Variants in UTRN observed in about 807,000 individuals in gnomAD.
UTRN encodes utrophin.
In UTRN, 283 loss-of-function variants were observed where a neutral mutation model predicts 463.9. That is an observed-to-expected ratio of 0.61 (90% CI 0.55 to 0.67). UTRN has a LOEUF of 0.67. UTRN is among the 30% of genes least tolerant of loss of function. The pLI, the probability that UTRN is intolerant of heterozygous loss-of-function variation, is 0.00. For missense variants in UTRN, 3,922 were observed against 4,084.3 expected (o/e 0.96, Z 1.08); for synonymous variants, 1,442 against 1,431.5 (o/e 1.01, Z -0.17).
intron 32 of UTRN, 99 bp from the exon 33 acceptor site, chr6:144,493,202 C>T: frequency 8.4e-7 from 1 of 1,194,934 alleles, no homozygotes; most frequent in East Asian, 2.5e-5. Flanking sequence ...ATAGTTAGGT[C>T]TTGGCTGTCA....
At position 144,554,767 on chromosome 6, in the gene UTRN, T is replaced by C. The variant is rs776323238; in HGVS notation, c.7008T>C (p.Ile2336=). Residue 2336 remains isoleucine (I), a synonymous_variant, in exon 49 of 75, where the codon ATT becomes ATC. Transcript: ENST00000367545. Reference sequence around the variant, plus strand: ...AGCAGCAGCTTGAGGACATGATTATTGACAGTCTTCAGTGGGATGACCATA... The same window carrying C: ...AGCAGCAGCTTGAGGACATGATTATCGACAGTCTTCAGTGGGATGACCATA... ...LRQQQLEDMI[I]DSLQWDDHRE... 14 of 1,614,020 alleles carry C rather than the reference T, an allele frequency of 8.7e-6. 1 individual carries two copies. Among genetic ancestry groups the C allele is most frequent in the Middle Eastern group, 3.3e-4 (2 of 6,062 alleles).
At chr6:144,398,325 T>C in intron 2 of UTRN, 1 of 322,926 alleles carries the variant, frequency 3.1e-6, no homozygotes, top group South Asian at 3.3e-5. Context: ...CTCAATAGAT[T>C]TGCTTGTTGG....
In UTRN at chr6:144,733,345, C is replaced by T. The variant is rs576624690; in HGVS notation, c.7939+2859C>T. Among the ~76,000 whole-genome samples the T allele has an allele frequency of 5.9e-5, 9 of 152,050 alleles. No individual in the cohort carries two copies. In the South Asian group the frequency reaches 6.2e-4, roughly 11 times the overall value. On this transcript the variant is annotated intron_variant, in intron 54 of 74. Coordinates refer to ENST00000367545, the MANE Select transcript of UTRN (RefSeq NM_007124.3). ...CATCCTGGCTAACACGGTGAAACCCCGTCTCTACTAAAATACAAAAAATTA... is the reference window on the plus strand; with the variant it reads ...CATCCTGGCTAACACGGTGAAACCCTGTCTCTACTAAAATACAAAAAATTA...
intron 32 of UTRN, 127 bp from the exon 33 acceptor site, chr6:144,493,174 T>C (rs1299974045): frequency 3.9e-6 from 3 of 773,196 alleles, no homozygotes; most frequent in East Asian, 2.8e-5. Flanking sequence ...CTGAGAAAGA[T>C]GATGGCCTTT....
chr6:144,652,654 C>T lies in UTRN; in HGVS notation c.7480-25752C>T, dbSNP rs186871831. ...AGTATTAGATGACAATAGGGATACT[C>T]GTTTCCTTGGGAAGAGAATAGCTCG... On this transcript the variant is annotated intron_variant, in intron 51 of 74. Coordinates refer to ENST00000367545, the MANE Select transcript of UTRN (RefSeq NM_007124.3). 5.1e-3 allele frequency among the ~76,000 whole-genome samples: 784 copies of T among 152,320 alleles called. 1 individual carries two copies. The highest frequency in any genetic ancestry group is 8.9e-3 in the Non-Finnish European group (607 of 68,022).
intron 58 of UTRN, among the ~76,000 whole-genome samples, chr6:144,769,064 G>A (rs1793714366): frequency 6.6e-6 from 1 of 150,540 alleles, no homozygotes; most frequent in African/African-American, 2.4e-5. Flanking sequence ...AGCTTATCAA[G>A]CTGCACAATA....
intron 26 of UTRN, among the ~76,000 whole-genome samples, chr6:144,481,870 CA>C (rs1239596209): frequency 1.3e-5 from 2 of 152,204 alleles, no homozygotes; most frequent in African/African-American, 4.8e-5. Context: ...CCAGCCCCGC[CA>C]ACATGGCGAA....
intron 10 of UTRN, among the ~76,000 whole-genome samples, chr6:144,436,423 T>C (rs981216107): frequency 1.4e-4 from 22 of 152,230 alleles, no homozygotes; most frequent in Non-Finnish European, 2.8e-4. Flanking sequence ...TGCATTGTTA[T>C]ATTTCAAAAG....
At chr6:144,824,453 A>G (rs1779881886) in intron 66 of UTRN, among the ~76,000 whole-genome samples, 1 of 41,000 alleles carries the variant, frequency 2.4e-5, no homozygotes, top group Non-Finnish European at 3.5e-5. Context: ...ATACACATAT[A>G]CAATAAATAT....
At chr6:144,373,599 C>A (rs1003774744) in intron 2 of UTRN, among the ~76,000 whole-genome samples, 1 of 152,112 alleles carries the variant, frequency 6.6e-6, no homozygotes, top group African/African-American at 2.4e-5. Context: ...GGATGATTGT[C>A]GCACAACTTT....
chr6:144,351,334 G>A (rs1030818828), intron 2 of UTRN, among the ~76,000 whole-genome samples: 1 of 152,178 alleles, frequency 6.6e-6, no homozygotes, highest in Non-Finnish European at 1.5e-5. Flanking sequence ...GGCCCCGTAT[G>A]CACCATCATA....
At chr6:144,507,116 G>T (rs573115988) in intron 34 of UTRN, among the ~76,000 whole-genome samples, 1 of 151,724 alleles carries the variant, frequency 6.6e-6, no homozygotes, top group South Asian at 2.1e-4. Flanking sequence ...GCTTCATCAG[G>T]TCATTTATGT....
At position 144,488,772 on chromosome 6, in the gene UTRN, A is replaced by T. The variant is rs745488833; in HGVS notation, c.4072A>T (p.Lys1358Ter). 1 of 1,613,032 alleles carries T rather than the reference A, an allele frequency of 6.2e-7. No individual in the cohort carries two copies. The highest frequency in any genetic ancestry group is 8.5e-7 in the Non-Finnish European group (1 of 1,179,344). The change falls in exon 30 of 75, where the codon AAA (lysine) becomes TAA (stop). Residue 1358 changes from lysine (K) to a stop codon, truncating the protein, a stop_gained. Coordinates refer to ENST00000367545, the MANE Select transcript of UTRN (RefSeq NM_007124.3). LOFTEE classifies it high-confidence loss of function. ...GCAAGAGAGCTTGGGGGAGCTGGAC[A>T]AACAGCTCACCACATACCTGACTGA... is the stretch of plus-strand genomic sequence containing the variant. ...VLQESLGELD[K>*]QLTTYLTDRI...
In UTRN at chr6:144,688,533, G is replaced by A. The variant is rs571691054; in HGVS notation, c.7652+9955G>A. 3.1e-4 allele frequency among the ~76,000 whole-genome samples: 47 copies of A among 151,916 alleles called. 1 individual carries two copies. The highest frequency in any genetic ancestry group is 1.0e-3 in the African/African-American group (43 of 41,436). ...TTATTTTTTAATTTATTTTTTGTTC[G>A]ACTATGTGTTCTTTTAAATTTCTTT... On this transcript the variant is annotated intron_variant, in intron 52 of 74. Transcript: ENST00000367545.
chr6:144,593,162 T>C (rs1585446976), intron 51 of UTRN, among the ~76,000 whole-genome samples: 2 of 152,288 alleles, frequency 1.3e-5, no homozygotes, highest in Admixed American at 1.3e-4. Context: ...GACTGGGAGC[T>C]GTCCACGTTC....
chr6:144,825,549 C>A (rs922282707), intron 66 of UTRN, among the ~76,000 whole-genome samples: 2 of 152,026 alleles, frequency 1.3e-5, no homozygotes, highest in Non-Finnish European at 2.9e-5. Flanking sequence ...GTTCTCTACC[C>A]TTGCCATTCT....
intron 6 of UTRN, among the ~76,000 whole-genome samples, chr6:144,424,358 C>T (rs1439706668): frequency 7.9e-5 from 12 of 152,142 alleles, no homozygotes; most frequent in Admixed American, 7.9e-4. Flanking sequence ...AACATAGCTC[C>T]AGTGTTGACG....
At chr6:144,414,195 G>A (rs914577874) in intron 3 of UTRN, among the ~76,000 whole-genome samples, 7 of 151,984 alleles carry the variant, frequency 4.6e-5, no homozygotes, top group African/African-American at 1.7e-4. Flanking sequence ...CCCAGAAGAA[G>A]GCATCGGTAT....
At position 144,507,276 on chromosome 6, in the gene UTRN, AAACTCAT is replaced by A. The variant is rs1794767113; in HGVS notation, c.4765-3667_4765-3661del. ...TGAAGCCTACTTCTGTCAATTCATC[AAACTCAT>A]TCTCCATCCGGTTTTGTTCCCTTGC... On this transcript the variant is annotated intron_variant, in intron 34 of 74. Transcript: ENST00000367545. Among the ~76,000 whole-genome samples, 3 of 151,872 alleles carry A rather than the reference AAACTCAT, an allele frequency of 2.0e-5. No homozygotes were observed. In the South Asian group the frequency reaches 6.2e-4, roughly 32 times the overall value.
Sources: gnomAD v4.1 joint callset for allele counts (sites outside exome capture counted in the v4.1 genomes callset) on GRCh38, gnomAD v4.1.1 for gene constraint, MANE v1.5 for transcripts, NCBI Gene and HGNC (gene_info 2026-07-23, HGNC 2026-07-21) for gene names.